The following MYO15B variants were observed in gnomAD, a reference collection of about 807,000 sequenced individuals.
MYO15B encodes the protein myosin XVB pseudogene.
MYO15B carries 207 observed loss-of-function variants against 119.3 expected under a neutral mutation model. The observed-to-expected ratio is 1.73, with a 90% CI of 1.55 to 1.95. The LOEUF is 1.95. Ranked by LOEUF, MYO15B falls within the 30% of genes most tolerant of loss-of-function variation. The pLI is 0.00. For synonymous variants in MYO15B, 966 were observed against 498.9 expected (o/e 1.94, Z -12.48); for missense variants, 2,264 against 1,203.1 (o/e 1.88, Z -13.04).
intron 9 of MYO15B, 103 bp from the exon 10 acceptor site, chr17:75,594,372 T>C: frequency 1.8e-6 from 1 of 559,532 alleles, no homozygotes; most frequent in Non-Finnish European, 3.2e-6. Context: ...ATATCTCCCC[T>C]TTGGTGACAG....
chr17:75,620,082 T>A (rs562443973), intron 47 of MYO15B, 62 bp downstream of exon 47: 73 of 675,842 alleles, frequency 1.1e-4, no homozygotes, highest in African/African-American at 1.0e-3. Flanking sequence ...TGCATCTCCC[T>A]GTCCGTCTTC....
At chr17:75,625,301 T>A in intron 60 of MYO15B, 63 bp downstream of exon 60, 1 of 654,176 alleles carries the variant, frequency 1.5e-6, no homozygotes, top group South Asian at 1.7e-5. Flanking sequence ...GCCATTTGAC[T>A]GGTACCCTTC....
rs1428778458 is a variant in MYO15B, at chr17:75,610,927, A to C, written c.4414A>C (p.Ser1472Arg). 6 of 703,036 alleles carry C rather than the reference A, an allele frequency of 8.5e-6. No homozygotes were observed. The East Asian group carries it at 1.6e-4, about 19-fold the overall frequency. The allele number at this position is 703,036 out of a possible 1,614,324, so 43.5% of individuals were successfully genotyped here. ...TGGGCGTTGGCAGGGCTGGCATAGC[A>C]GCGAAAGGGCCTTGGAGAGAGTGCC... The change falls in exon 23 of 64, where the codon AGC (serine) becomes CGC (arginine). Residue 1472 changes from serine to arginine, a missense_variant. By Grantham distance (110) the Ser-to-Arg change is moderately radical (BLOSUM62 -1). Transcript: ENST00000645453.
chr17:75,623,639 T>G (rs2058832851), intron 53 of MYO15B, 142 bp from the exon 54 acceptor site: 2 of 620,420 alleles, frequency 3.2e-6, no homozygotes, highest in Admixed American at 2.6e-5. Flanking sequence ...AGTAACTGAG[T>G]AGCCAGTGCA....
Position 75,596,456 on chromosome 17 carries a change from C to G in MYO15B, c.3298-4C>G, listed in dbSNP as rs1394246098. The G allele has an allele frequency of 1.4e-6, 1 of 702,906 alleles. No homozygotes were observed. Among genetic ancestry groups the G allele is most frequent in the Admixed American group, 2.0e-5 (1 of 49,998 alleles). 43.5% of individuals were successfully genotyped at this position (702,906 alleles called of 1,614,324 possible). A position where few individuals can be genotyped will look rare whatever the true frequency, so the allele number is the denominator to read the frequency against. ...GTGCCCACCTCACTGCCACATGCCC[C>G]CAGGCCCTGCGGGTGAATGGCCTGG... On this transcript the variant is annotated splice_polypyrimidine_tract_variant and splice_region_variant and intron_variant, in intron 12 of 63. Transcript: ENST00000645453.
At chr17:75,600,036 T>C (rs1305362062) in intron 14 of MYO15B, among the ~76,000 whole-genome samples, 1 of 148,690 alleles carries the variant, frequency 6.7e-6, no homozygotes, top group Non-Finnish European at 1.5e-5. Context: ...TTTCTTTTTT[T>C]TTTTTGAGAC....
rs577070133 is a variant in MYO15B, at chr17:75,605,946, G to A, written c.4217G>A (p.Arg1406His). 1.4e-3 allele frequency: 958 copies of A among 702,714 alleles called. 2 individuals are homozygous for A. Among genetic ancestry groups the A allele is most frequent in the Non-Finnish European group, 2.1e-3 (796 of 384,852 alleles). The allele number at this position is 702,714 out of a possible 1,614,324, so 43.5% of individuals were successfully genotyped here. A position where few individuals can be genotyped will look rare whatever the true frequency, so the allele number is the denominator to read the frequency against. The change falls in exon 21 of 64, where the codon CGC (arginine) becomes CAC (histidine). Residue 1406 changes from arginine to histidine, a missense_variant. By Grantham distance (29) the Arg-to-His change is conservative (BLOSUM62 0). Transcript: ENST00000645453. ...TCCCAGGCCCTGGTCGACCTGCACC[G>A]CAGCTTCCACACCTGCATCTCCCGC...
chr17:75,588,719 G>C (rs1598670706), exon 1 of MYO15B: 2 of 398,596 alleles, frequency 5.0e-6, no homozygotes, highest in East Asian at 7.1e-5. Context: ...ACCCGGGGCC[G>C]GGAAGGGTCG....
intron 30 of MYO15B, 71 bp from the exon 31 acceptor site, chr17:75,614,512 T>G: frequency 4.4e-6 from 3 of 684,678 alleles, no homozygotes; most frequent in Non-Finnish European, 8.0e-6. Flanking sequence ...CGCAGCAGCT[T>G]CTACCTCTTG....
intron 21 of MYO15B, among the ~76,000 whole-genome samples, chr17:75,608,880 C>A (rs530168315): frequency 1.3e-5 from 2 of 152,226 alleles, no homozygotes; most frequent in African/African-American, 4.8e-5. Flanking sequence ...ACTACAGGCA[C>A]CTGCCACCAT....
rs947983606 is a variant in MYO15B, at chr17:75,611,962, C to T, written c.4581C>T (p.Leu1527=). 1.4e-5 allele frequency: 10 copies of T among 702,866 alleles called. No homozygotes were observed. The African/African-American group carries it at 1.6e-4, about 11-fold the overall frequency. 43.5% of individuals were successfully genotyped at this position (702,866 alleles called of 1,614,324 possible). A position where few individuals can be genotyped will look rare whatever the true frequency, so the allele number is the denominator to read the frequency against. Reference sequence around the variant, plus strand: ...TTCCTGCCCGGCCCAGCCTGACTCTCCCAGCAGACATTGACCTGTTCCCTT... The same window carrying T: ...TTCCTGCCCGGCCCAGCCTGACTCTTCCAGCAGACATTGACCTGTTCCCTT... Residue 1527 remains leucine (L), a synonymous_variant, in exon 25 of 64, where the codon CTC becomes CTT. Coordinates refer to ENST00000645453, the Ensembl canonical transcript of MYO15B.
chr17:75,612,968 C>T lies in MYO15B; in HGVS notation c.4732-6C>T, dbSNP rs1361597247. On this transcript the variant is annotated splice_region_variant and splice_polypyrimidine_tract_variant and intron_variant, in intron 26 of 63. Transcript: ENST00000645453. Reference sequence around the variant, plus strand: ...ACGTCCTGTCCTTACCCGGCTGTGTCGGCAGATGCTGCGGCTCCTGGGGGA... The same window carrying T: ...ACGTCCTGTCCTTACCCGGCTGTGTTGGCAGATGCTGCGGCTCCTGGGGGA... 7.3e-6 allele frequency: 5 copies of T among 687,878 alleles called. No individual in the cohort carries two copies. The Admixed American group carries it at 8.1e-5, about 11-fold the overall frequency. 42.6% of individuals were successfully genotyped at this position (687,878 alleles called of 1,614,324 possible).
chr17:75,606,178 A>T, intron 21 of MYO15B, 157 bp downstream of exon 21: 1 of 534,694 alleles, frequency 1.9e-6, no homozygotes, highest in Admixed American at 3.3e-5. Context: ...TGACGGCATT[A>T]CCCCCCATAC....
At chr17:75,600,402 T>G (rs1401802737) in intron 14 of MYO15B, among the ~76,000 whole-genome samples, 2 of 150,360 alleles carry the variant, frequency 1.3e-5, no homozygotes, top group Non-Finnish European at 2.9e-5. Context: ...GATTGCTAAA[T>G]CTGTACTAAA....
chr17:75,601,692 C>T, intron 15 of MYO15B, 129 bp downstream of exon 15: 1 of 626,098 alleles, frequency 1.6e-6, no homozygotes, highest in Non-Finnish European at 2.9e-6. Flanking sequence ...CCTGTCCCTA[C>T]CTGAGCCATG....
exon 20 of MYO15B, chr17:75,605,532 G>A (rs1428544636): frequency 2.8e-6 from 2 of 702,796 alleles, no homozygotes; most frequent in Admixed American, 2.0e-5. Flanking sequence ...AGAAGGGCAG[G>A]AAGACCTCTC....
intron 5 of MYO15B, 22 bp downstream of exon 5, chr17:75,591,734 C>T: frequency 2.8e-6 from 2 of 702,826 alleles, no homozygotes; most frequent in South Asian, 1.5e-5. Flanking sequence ...GCTGGAGGTA[C>T]CTCATGGGTT....
chr17:75,617,329 C>A (rs759922046), intron 41 of MYO15B, 25 bp downstream of exon 41: 8 of 606,904 alleles, frequency 1.3e-5, no homozygotes, highest in Non-Finnish European at 2.4e-5. Context: ...TTCTCCTGCG[C>A]CGTGGGCTTC....
In MYO15B at chr17:75,625,826, C is replaced by T. The variant is rs1241885136; in HGVS notation, c.8939-18C>T. 2.8e-6 allele frequency: 2 copies of T among 702,400 alleles called. No individual in the cohort carries two copies. Among genetic ancestry groups the T allele is most frequent in the South Asian group, 1.5e-5 (1 of 67,576 alleles). The allele number at this position is 702,400 out of a possible 1,614,324, so 43.5% of individuals were successfully genotyped here. Reference sequence around the variant, plus strand: ...CCCCAGCAGTCAGATTTCCTGCCTGCACCCTCTCCACCCGCAGAGGCCATG... The same window carrying T: ...CCCCAGCAGTCAGATTTCCTGCCTGTACCCTCTCCACCCGCAGAGGCCATG... On this transcript the variant is annotated intron_variant, in intron 61 of 63. Transcript: ENST00000645453.
Sources: allele counts gnomAD v4.1 joint callset (sites outside exome capture counted in the v4.1 genomes callset), GRCh38; gene constraint gnomAD v4.1.1; transcripts MANE v1.5; gene names NCBI Gene and HGNC (gene_info 2026-07-23, HGNC 2026-07-21).